Variants in RNF128 observed in about 807,000 individuals in gnomAD.
RNF128 encodes the protein E3 ubiquitin-protein ligase RNF128.
A neutral mutation model predicts 26.2 loss-of-function variants in RNF128; 13 were observed. That is an observed-to-expected ratio of 0.50 (90% CI 0.32 to 0.79). RNF128 has a LOEUF of 0.79. Among genes scored for constraint, RNF128 ranks in the 30% least tolerant of loss-of-function variants. RNF128 has a pLI of 0.03. For synonymous variants in RNF128, 149 were observed against 142.5 expected, an observed-to-expected ratio of 1.05 and a Z score of -0.32; for missense variants, 315 against 349.7, an observed-to-expected ratio of 0.90 and a Z score of 0.79.
intron 1 of RNF128, among the ~76,000 whole-genome samples, chrX:106,709,067 T>C (rs1268597128): frequency 9.0e-6 from 1 of 111,685 alleles, no homozygotes; most frequent in Non-Finnish European, 1.9e-5. Context: ...TTCTCCAAAA[T>C]AATAAAATAT....
intron 2 of RNF128, among the ~76,000 whole-genome samples, chrX:106,774,198 C>T (rs1930425663): frequency 9.0e-6 from 1 of 111,544 alleles, no homozygotes; most frequent in Non-Finnish European, 1.9e-5. Context: ...TCCAACACCT[C>T]CTCCAACTTT....
intron 1 of RNF128, among the ~76,000 whole-genome samples, chrX:106,752,332 GCAGCA>G (rs1444344650): frequency 2.8e-4 from 31 of 112,472 alleles, no homozygotes; most frequent in Non-Finnish European, 1.1e-4. Context: ...CCAACTCCAG[GCAGCA>G]CAGCATGGTG....
Position 106,726,769 on chromosome X carries a change from C to A in RNF128, c.-145C>A. 9.4e-7 allele frequency: 1 copy of A among 1,066,263 alleles called. No individual in the cohort carries two copies. The highest frequency in any genetic ancestry group is 1.2e-6 in the Non-Finnish European group (1 of 831,385). 87.9% of individuals were successfully genotyped at this position (1,066,263 alleles called of 1,213,427 possible). On this transcript the variant is annotated 5_prime_UTR_variant, in exon 1 of 7. Coordinates refer to ENST00000255499, the MANE Select transcript of RNF128 (RefSeq NM_194463.2). ...GCAACCTGTGTGCTGACGCTACGTGCCTCCTGGCTCCGACGTAGCTCGCAG... is the reference window on the plus strand; with the variant it reads ...GCAACCTGTGTGCTGACGCTACGTGACTCCTGGCTCCGACGTAGCTCGCAG...
chrX:106,788,403 TA>T (rs1930715338), intron 4 of RNF128, among the ~76,000 whole-genome samples: 1 of 46,951 alleles, frequency 2.1e-5, no homozygotes, highest in Non-Finnish European at 3.5e-5. Context: ...ATATTATATA[TA>T]ATATATAATA....
chrX:106,761,183 C>G (rs1418894011), intron 1 of RNF128, among the ~76,000 whole-genome samples: 1 of 111,965 alleles, frequency 8.9e-6, no homozygotes, highest in East Asian at 2.8e-4. Context: ...TACTGAACAT[C>G]ACTAATCAGA....
intron 1 of RNF128, among the ~76,000 whole-genome samples, chrX:106,740,601 G>T (rs1290136982): frequency 9.0e-6 from 1 of 111,252 alleles, no homozygotes; most frequent in Non-Finnish European, 1.9e-5. Context: ...ACAGGGTCTT[G>T]CCCTGTCATC....
chrX:106,766,866 T>G (rs947305248), intron 1 of RNF128, among the ~76,000 whole-genome samples: 18 of 111,940 alleles, frequency 1.6e-4, no homozygotes, highest in Admixed American at 3.8e-4. Flanking sequence ...ATTTAGGTCT[T>G]TAATCCATCT....
At chrX:106,765,616 G>A (rs1056100228) in intron 1 of RNF128, among the ~76,000 whole-genome samples, 1 of 111,844 alleles carries the variant, frequency 8.9e-6, no homozygotes, top group Non-Finnish European at 1.9e-5. Context: ...CATATTGGAA[G>A]AAGATACAAC....
chrX:106,785,095 A>G lies in RNF128; in HGVS notation c.763A>G (p.Ile255Val), dbSNP rs758542218. 9.3e-6 allele frequency: 11 copies of G among 1,187,751 alleles called. No individual in the cohort carries two copies. In the South Asian group the frequency reaches 1.3e-4, roughly 14 times the overall value. ...RQLKADAKKA[I>V]GRLQLRTLKQ... ...ATTAAAGGCAGATGCTAAAAAAGCTATTGGAAGGCTTCAACTACGCACACT... is the reference window on the plus strand; with the variant it reads ...ATTAAAGGCAGATGCTAAAAAAGCTGTTGGAAGGCTTCAACTACGCACACT... Residue 255 changes from isoleucine (I) to valine (V), a missense_variant, in exon 3 of 7, where the codon ATT becomes GTT. Physicochemically the swap from Ile to Val is conservative, Grantham distance 29. Transcript: ENST00000255499.
chrX:106,723,210 T>TTTTGCCATA (rs749459493), upstream of RNF128, among the ~76,000 whole-genome samples: 723 of 112,435 alleles, frequency 6.4e-3, 5 homozygotes, highest in African/African-American at 0.022. Flanking sequence ...CTTGTTGTCA[T>TTTTGCCATA]TTTGCCATAT....
chrX:106,735,852 A>G (rs1181484363), intron 1 of RNF128, among the ~76,000 whole-genome samples: 1 of 111,262 alleles, frequency 9.0e-6, no homozygotes, highest in Non-Finnish European at 1.9e-5. Context: ...CTATTTTAAT[A>G]TGGAATCTTT....
At chrX:106,762,889 G>T (rs1930143717) in intron 1 of RNF128, among the ~76,000 whole-genome samples, 1 of 109,475 alleles carries the variant, frequency 9.1e-6, no homozygotes, top group Non-Finnish European at 1.9e-5. Context: ...AGGAAGGGAG[G>T]AGGATGAATA....
chrX:106,760,858 G>A (rs1017515332), intron 1 of RNF128, among the ~76,000 whole-genome samples: 12 of 111,562 alleles, frequency 1.1e-4, no homozygotes, highest in African/African-American at 3.9e-4. Context: ...GATGAACCTG[G>A]AGGAAATTAA....
rs190899138 is a variant in RNF128 at position 106,730,128 on chromosome X, G to T, written c.484+2731G>T. Among the ~76,000 whole-genome samples, 198 of 112,117 alleles carry T rather than the reference G, an allele frequency of 1.8e-3. 2 individuals carry two copies. The highest frequency in any genetic ancestry group is 6.0e-3 in the African/African-American group (187 of 30,926). Reference sequence around the variant, plus strand: ...TCTATATTCCCACCTAACTAATTTAGAACAGTTGCTTTAAAATTTTTGTTT... The same window carrying T: ...TCTATATTCCCACCTAACTAATTTATAACAGTTGCTTTAAAATTTTTGTTT... On this transcript the variant is annotated intron_variant, in intron 1 of 6. Coordinates refer to ENST00000255499, the MANE Select transcript of RNF128 (RefSeq NM_194463.2).
intron 5 of RNF128, 38 bp downstream of exon 5, chrX:106,790,320 C>T (rs769082574): frequency 3.0e-5 from 28 of 940,284 alleles, no homozygotes; most frequent in South Asian, 1.5e-4. Context: ...AGAATATATG[C>T]CTGGGCTTTG....
At chrX:106,762,317 A>ATT (rs756515596) in intron 1 of RNF128, among the ~76,000 whole-genome samples, 10 of 94,897 alleles carry the variant, frequency 1.1e-4, no homozygotes, top group African/African-American at 2.4e-4. Flanking sequence ...TCCACTTTTG[A>ATT]TTTTTTTTTT....
intron 1 of RNF128, among the ~76,000 whole-genome samples, chrX:106,699,220 C>T (rs777995303): frequency 2.9e-3 from 321 of 111,840 alleles, no homozygotes; most frequent in African/African-American, 0.01. Flanking sequence ...AATTCCACCC[C>T]AGTTAGAATA....
intron 1 of RNF128, among the ~76,000 whole-genome samples, chrX:106,763,841 A>G (rs899821766): frequency 9.0e-6 from 1 of 111,439 alleles, no homozygotes; most frequent in Non-Finnish European, 1.9e-5. Context: ...GACTGTATAT[A>G]GCACGTATGA....
chrX:106,781,572 G>A (rs1930566244), intron 2 of RNF128, among the ~76,000 whole-genome samples: 1 of 111,126 alleles, frequency 9.0e-6, no homozygotes, highest in African/African-American at 3.3e-5. Context: ...CTTGAATATC[G>A]TGAGGCAGTT....
Sources: gnomAD v4.1 joint callset for allele counts (sites outside exome capture counted in the v4.1 genomes callset) on GRCh38, gnomAD v4.1.1 for gene constraint, MANE v1.5 for transcripts, NCBI Gene and HGNC (gene_info 2026-07-23, HGNC 2026-07-21) for gene names.